The following CDH4 variants were observed in gnomAD, a reference collection of about 807,000 sequenced individuals.
CDH4 encodes the protein cadherin-4.
In CDH4, 33 loss-of-function variants were observed where a neutral mutation model predicts 86.0. That is an observed-to-expected ratio of 0.38 (90% CI 0.29 to 0.51). The LOEUF is 0.51. Among genes scored for constraint, CDH4 ranks in the 20% least tolerant of loss-of-function variants. CDH4 has a pLI of 0.86. For missense variants in CDH4, 1,114 were observed against 1,307.4 expected (o/e 0.85, Z 2.28); for synonymous variants, 555 against 549.4 (o/e 1.01, Z -0.14).
chr20:61,751,968 G>A (rs938728542), intron 3 of CDH4, among the ~76,000 whole-genome samples: 2 of 152,234 alleles, frequency 1.3e-5, no homozygotes, highest in Non-Finnish European at 2.9e-5. Flanking sequence ...CCCCGGGTGT[G>A]GAAAGCTTCC....
In CDH4 at chr20:61,703,698, G is replaced by T. The variant is rs574924450; in HGVS notation, c.170-39865G>T. The stretch of plus-strand genomic sequence containing the variant: ...GCTGTCCATGTCTCATCTGGGCCCT[G>T]GTGATGAGGTGGCTCCACTCGGGGC... On this transcript the variant is annotated intron_variant, in intron 2 of 15. Coordinates refer to ENST00000614565, the MANE Select transcript of CDH4 (RefSeq NM_001794.5). The surrounding 1 kb of genome is among the most constrained non-coding windows in gnomAD (Gnocchi z 4.3). 1.3e-5 allele frequency among the ~76,000 whole-genome samples: 2 copies of T among 152,218 alleles called. No homozygotes were observed. The highest frequency in any genetic ancestry group is 4.8e-5 in the African/African-American group (2 of 41,458).
chr20:61,730,733 T>G (rs1301276760), intron 2 of CDH4, among the ~76,000 whole-genome samples: 1 of 152,138 alleles, frequency 6.6e-6, no homozygotes, highest in African/African-American at 2.4e-5. Flanking sequence ...CAGCCATCAG[T>G]GGAGACACTC....
intron 2 of CDH4, among the ~76,000 whole-genome samples, chr20:61,661,546 G>T (rs1286814956): frequency 7.1e-6 from 1 of 140,668 alleles, no homozygotes; most frequent in Non-Finnish European, 1.5e-5. Flanking sequence ...TTTTTTAATA[G>T]CTGGAGGAAG....
At chr20:61,666,968 G>A (rs774028389) in intron 2 of CDH4, among the ~76,000 whole-genome samples, 10 of 152,340 alleles carry the variant, frequency 6.6e-5, no homozygotes, top group South Asian at 6.2e-4. Context: ...CCGCACACCC[G>A]GTCAGTCTGT....
chr20:61,631,378 C>T (rs1462189448), intron 2 of CDH4, among the ~76,000 whole-genome samples: 1 of 152,192 alleles, frequency 6.6e-6, no homozygotes, highest in Non-Finnish European at 1.5e-5. Context: ...TGCAGTGGCT[C>T]ACATCTGTAA....
rs1245978746 is a variant in CDH4, at chr20:61,510,254, T to C, written c.170-233309T>C. The stretch of plus-strand genomic sequence containing the variant: ...GCTCAGGAAAGGACACCCATGAGAA[T>C]GTTACTTGGTGTGTGCTTTGTGTTT... On this transcript the variant is annotated intron_variant, in intron 2 of 15. Transcript: ENST00000614565. This position sits in a 1 kb window ranked among gnomAD's most constrained non-coding sequence, Gnocchi z 4.2. Among the ~76,000 whole-genome samples, 4 of 152,176 alleles carry C rather than the reference T, an allele frequency of 2.6e-5. No individual in the cohort carries two copies. The highest frequency in any genetic ancestry group is 5.9e-5 in the Non-Finnish European group (4 of 68,038).
intron 2 of CDH4, among the ~76,000 whole-genome samples, chr20:61,521,072 G>A (rs1021754286): frequency 6.6e-6 from 1 of 152,208 alleles, no homozygotes; most frequent in Admixed American, 6.5e-5. Context: ...GTTCTGATTT[G>A]AAGATGGCTA....
At chr20:61,373,101 A>G (rs1019025452) in intron 2 of CDH4, among the ~76,000 whole-genome samples, 2 of 152,246 alleles carry the variant, frequency 1.3e-5, no homozygotes, top group Non-Finnish European at 2.9e-5. Context: ...CATTGCTGCA[A>G]TGCCCCATGG....
Position 61,793,913 on chromosome 20 carries a change from T to C in CDH4, c.576+20731T>C, listed in dbSNP as rs1156750549. Among the ~76,000 whole-genome samples the C allele has an allele frequency of 9.9e-5, 14 of 141,484 alleles. 1 individual carries two copies. The highest frequency in any genetic ancestry group is 4.5e-4 in the South Asian group (2 of 4,436). 92.8% of individuals were successfully genotyped at this position (141,484 alleles called of 152,430 possible). ...CAGCACTTTGGGAGGCCAAGGCGGG[T>C]AGATCACGAAGTCAGGAGATAGAGA... On this transcript the variant is annotated intron_variant, in intron 4 of 15. Coordinates refer to ENST00000614565, the MANE Select transcript of CDH4 (RefSeq NM_001794.5).
At chr20:61,919,515 C>T (rs2054942749) in intron 9 of CDH4, among the ~76,000 whole-genome samples, 1 of 152,258 alleles carries the variant, frequency 6.6e-6, no homozygotes, top group Admixed American at 6.5e-5. Context: ...CCTGGCCTGC[C>T]TGCCTGCAGG....
rs116383129 is a variant in CDH4 at position 61,720,780 on chromosome 20, G to A, written c.170-22783G>A. On this transcript the variant is annotated intron_variant, in intron 2 of 15. Transcript: ENST00000614565. ...CCTCTAAAAGCTGGGGATTGTAGGG[G>A]TCGGGGAGGCGTGTTCTCTCATTGT... is the stretch of plus-strand genomic sequence containing the variant. 1.9e-3 allele frequency among the ~76,000 whole-genome samples: 296 copies of A among 152,224 alleles called. 2 individuals carry two copies. Among genetic ancestry groups the A allele is most frequent in the African/African-American group, 6.8e-3 (281 of 41,512 alleles).
At chr20:61,701,867 A>G (rs1366354794) in intron 2 of CDH4, among the ~76,000 whole-genome samples, 1 of 152,240 alleles carries the variant, frequency 6.6e-6, no homozygotes, top group Non-Finnish European at 1.5e-5. Context: ...AGTCCAAAAA[A>G]GACTGCTTTC....
chr20:61,566,824 C>T (rs1052779318), intron 2 of CDH4, among the ~76,000 whole-genome samples: 2 of 152,204 alleles, frequency 1.3e-5, no homozygotes, highest in Non-Finnish European at 1.5e-5. Flanking sequence ...GGTCACTCTC[C>T]GGGCTGCGCC....
rs542512115 is a variant in CDH4, at chr20:61,743,966, G to A, written c.396+177G>A. ...CTGCCCTCTGCACTGACCTGAGGCAGGGCCGTCATTGCGGGAAGGCCCCCT... is the reference window on the plus strand; with the variant it reads ...CTGCCCTCTGCACTGACCTGAGGCAAGGCCGTCATTGCGGGAAGGCCCCCT... On this transcript the variant is annotated intron_variant, in intron 3 of 15. Coordinates refer to ENST00000614565, the MANE Select transcript of CDH4 (RefSeq NM_001794.5). 8.5e-5 allele frequency among the ~76,000 whole-genome samples: 13 copies of A among 152,342 alleles called. No homozygotes were observed. In the South Asian group the frequency reaches 2.7e-3, roughly 32 times the overall value.
chr20:61,411,291 A>T (rs1027903670), intron 2 of CDH4, among the ~76,000 whole-genome samples: 4 of 149,282 alleles, frequency 2.7e-5, no homozygotes, highest in Non-Finnish European at 1.5e-5. Context: ...TAGTTTCCTG[A>T]CAAGGCCTTC....
At chr20:61,883,577 G>T (rs571270246) in intron 7 of CDH4, among the ~76,000 whole-genome samples, 1 of 152,324 alleles carries the variant, frequency 6.6e-6, no homozygotes, top group South Asian at 2.1e-4. Context: ...GAGGGCAAGG[G>T]CTCCAAGAGC....
chr20:61,613,593 AAAG>A (rs1381457077), intron 2 of CDH4, among the ~76,000 whole-genome samples: 8 of 40,904 alleles, frequency 2.0e-4, no homozygotes, highest in Admixed American at 1.3e-3. Context: ...AAAGGCTTCA[AAAG>A]AAAAAAAAAA....
At chr20:61,329,623 T>C (rs942562393) in intron 2 of CDH4, among the ~76,000 whole-genome samples, 1 of 152,050 alleles carries the variant, frequency 6.6e-6, no homozygotes, top group Non-Finnish European at 1.5e-5. Flanking sequence ...GAGCCTGTGC[T>C]CTCCTCTCAG....
chr20:61,658,578 C>T (rs1021163327), intron 2 of CDH4, among the ~76,000 whole-genome samples: 2 of 152,260 alleles, frequency 1.3e-5, no homozygotes, highest in Admixed American at 1.3e-4. Context: ...GGATGGGTGG[C>T]CCAGGTCGTT....
Sources: gnomAD v4.1 joint callset for allele counts (sites outside exome capture counted in the v4.1 genomes callset) on GRCh38, gnomAD v4.1.1 for gene constraint, Gnocchi (gnomAD v3.1) non-coding constraint, MANE v1.5 for transcripts, NCBI Gene and HGNC (gene_info 2026-07-23, HGNC 2026-07-21) for gene names.